The following FHIT variants were observed in gnomAD, a reference collection of about 807,000 sequenced individuals.
The protein encoded by FHIT is fragile histidine triad diadenosine triphosphatase.
In FHIT, 19 loss-of-function variants were observed where a neutral mutation model predicts 17.9. The observed-to-expected ratio is 1.06, with a 90% CI of 0.74 to 1.56. FHIT has a LOEUF of 1.56. Among genes scored for constraint, FHIT ranks in the 40% most tolerant of loss-of-function variants. FHIT has a pLI of 0.00. For synonymous variants in FHIT, 81 were observed against 69.7 expected (o/e 1.16, Z -0.81); for missense variants, 248 against 189.2 (o/e 1.31, Z -1.82).
chr3:60,828,289 A>G (rs1702196769), intron 3 of FHIT, among the ~76,000 whole-genome samples: 1 of 152,168 alleles, frequency 6.6e-6, no homozygotes. Context: ...AACCATTTTA[A>G]CATTATCATT....
chr3:60,852,917 T>G (rs770591277), intron 3 of FHIT, among the ~76,000 whole-genome samples: 2 of 152,132 alleles, frequency 1.3e-5, no homozygotes, highest in Non-Finnish European at 2.9e-5. Flanking sequence ...AAAGGCAGAA[T>G]GGACAGCTTA....
intron 4 of FHIT, among the ~76,000 whole-genome samples, chr3:60,715,065 T>C (rs1428222278): frequency 6.6e-6 from 1 of 152,136 alleles, no homozygotes; most frequent in South Asian, 2.1e-4. Flanking sequence ...CAAAACAGCA[T>C]GGTACTGGTA....
intron 3 of FHIT, among the ~76,000 whole-genome samples, chr3:60,992,908 C>G (rs981463383): frequency 2.6e-5 from 4 of 152,244 alleles, no homozygotes; most frequent in Middle Eastern, 3.4e-3. Flanking sequence ...AAAGGAAATT[C>G]AGAGGGCTTC....
At chr3:61,010,789 A>G (rs1283057423) in intron 3 of FHIT, among the ~76,000 whole-genome samples, 1 of 152,214 alleles carries the variant, frequency 6.6e-6, no homozygotes, top group Non-Finnish European at 1.5e-5. Flanking sequence ...TTACCTAAAT[A>G]TTTCTCATTG....
intron 3 of FHIT, among the ~76,000 whole-genome samples, chr3:60,946,169 G>A (rs1468318492): frequency 6.6e-6 from 1 of 152,178 alleles, no homozygotes; most frequent in Non-Finnish European, 1.5e-5. Flanking sequence ...TCAACAGATT[G>A]GAGGCCCCAC....
chr3:60,434,772 T>C (rs1001634090), intron 5 of FHIT, among the ~76,000 whole-genome samples: 1 of 152,098 alleles, frequency 6.6e-6, no homozygotes, highest in African/African-American at 2.4e-5. Flanking sequence ...TTTTGAAACA[T>C]TTTACAGTAT....
intron 5 of FHIT, among the ~76,000 whole-genome samples, chr3:60,164,206 G>T (rs985074458): frequency 6.6e-6 from 1 of 152,150 alleles, no homozygotes; most frequent in Non-Finnish European, 1.5e-5. Context: ...TGGCAGGATG[G>T]ACATTAACCA....
At chr3:59,792,661 A>G (rs927568704) in intron 8 of FHIT, among the ~76,000 whole-genome samples, 2 of 152,228 alleles carry the variant, frequency 1.3e-5, no homozygotes, top group Non-Finnish European at 1.5e-5. Flanking sequence ...AATCTAGTAC[A>G]TAGTAAGAGC....
chr3:60,785,201 G>A (rs1700525788), intron 4 of FHIT, among the ~76,000 whole-genome samples: 1 of 152,160 alleles, frequency 6.6e-6, no homozygotes, highest in South Asian at 2.1e-4. Context: ...CAGTTGCAAA[G>A]GTAAGAAGCA....
At chr3:61,222,227 G>C (rs972015866) in intron 1 of FHIT, among the ~76,000 whole-genome samples, 2 of 152,164 alleles carry the variant, frequency 1.3e-5, no homozygotes, top group Non-Finnish European at 2.9e-5. Context: ...AATCACAGGG[G>C]CAGAACAAGG....
chr3:60,129,921 A>G (rs1699463795), intron 5 of FHIT, among the ~76,000 whole-genome samples: 1 of 151,902 alleles, frequency 6.6e-6, no homozygotes, highest in Non-Finnish European at 1.5e-5. Context: ...CCCTTTCCAC[A>G]CTGTGTCTGT....
chr3:59,837,864 G>C (rs992898308), intron 8 of FHIT, among the ~76,000 whole-genome samples: 1 of 151,996 alleles, frequency 6.6e-6, no homozygotes, highest in African/African-American at 2.4e-5. Flanking sequence ...GGGGTGGTGT[G>C]GGAATAATAG....
At chr3:60,043,380 C>G (rs1348993231) in intron 5 of FHIT, among the ~76,000 whole-genome samples, 2 of 152,196 alleles carry the variant, frequency 1.3e-5, no homozygotes, top group Non-Finnish European at 2.9e-5. Context: ...TTTCTACGAA[C>G]TGTACTTTTT....
At chr3:60,019,823 C>T (rs1271065211) in intron 5 of FHIT, among the ~76,000 whole-genome samples, 1 of 152,208 alleles carries the variant, frequency 6.6e-6, no homozygotes, top group Non-Finnish European at 1.5e-5. Flanking sequence ...GTTAGGAGCA[C>T]AGTTGGGATT....
At chr3:61,177,450 G>A (rs1476399202) in intron 2 of FHIT, among the ~76,000 whole-genome samples, 1 of 152,084 alleles carries the variant, frequency 6.6e-6, no homozygotes, top group Admixed American at 6.5e-5. Context: ...AAAAATAAAG[G>A]TTGGGGAGAG....
chr3:59,972,360 G>A lies in FHIT; in HGVS notation c.279+39011C>T, dbSNP rs542046723. On this transcript the variant is annotated intron_variant, in intron 7 of 9. Transcript: ENST00000492590. ...AGTGTGTCTCTCATGAAGAACTGGG[G>A]CTACCTGTGAAGCTTGGTTCACTAG... 3.3e-5 allele frequency among the ~76,000 whole-genome samples: 5 copies of A among 152,180 alleles called. No homozygotes were observed. In the South Asian group the frequency reaches 1.0e-3, roughly 32 times the overall value.
chr3:60,046,708 A>G (rs1347138962), intron 5 of FHIT, among the ~76,000 whole-genome samples: 1 of 152,262 alleles, frequency 6.6e-6, no homozygotes, highest in Non-Finnish European at 1.5e-5. Context: ...AGTAATGTTT[A>G]CAGATAGTAG....
In FHIT at chr3:60,861,001, C is replaced by A. The variant is rs1258393148; in HGVS notation, c.-110-38990G>T. 2.3e-5 allele frequency among the ~76,000 whole-genome samples: 2 copies of A among 85,138 alleles called. 1 individual carries two copies. Among genetic ancestry groups the A allele is most frequent in the Non-Finnish European group, 4.9e-5 (2 of 40,406 alleles). 55.9% of individuals were successfully genotyped at this position (85,138 alleles called of 152,430 possible). ...ATATGATACATATATACGTATATAT[C>A]CATATATATGATACATATATACGTA... On this transcript the variant is annotated intron_variant, in intron 3 of 9. Coordinates refer to ENST00000492590, the MANE Select transcript of FHIT (RefSeq NM_002012.4).
chr3:60,534,733 G>A (rs538117286), intron 5 of FHIT, among the ~76,000 whole-genome samples: 16 of 152,062 alleles, frequency 1.1e-4, no homozygotes, highest in East Asian at 7.7e-4. Flanking sequence ...AATATTCTCC[G>A]AGCCCTTGGT....
Sources: gnomAD v4.1 joint callset for allele counts (sites outside exome capture counted in the v4.1 genomes callset) on GRCh38, gnomAD v4.1.1 for gene constraint, MANE v1.5 for transcripts, NCBI Gene and HGNC (gene_info 2026-07-23, HGNC 2026-07-21) for gene names.